The following LRP1B variants were observed in gnomAD, a reference collection of about 807,000 sequenced individuals.
LRP1B encodes the protein LDL receptor related protein 1B.
In LRP1B, 217 loss-of-function variants were observed where a neutral mutation model predicts 556.6. That is an observed-to-expected ratio of 0.39 (90% CI 0.35 to 0.44). The LOEUF (loss-of-function observed/expected upper bound fraction) is 0.44, where lower values mean the gene tolerates loss of function less well. Ranked by LOEUF, LRP1B falls within the 20% of genes least tolerant of loss-of-function variation. The pLI is 1.00. For synonymous variants in LRP1B, 2,047 were observed against 1,865.8 expected (o/e 1.10, Z -2.50); for missense variants, 5,053 against 5,620.8 (o/e 0.90, Z 3.23).
intron 1 of LRP1B, among the ~76,000 whole-genome samples, chr2:141,905,100 T>G (rs1194323256): frequency 6.6e-6 from 1 of 151,938 alleles, no homozygotes; most frequent in Non-Finnish European, 1.5e-5. Flanking sequence ...TGCATTGTTT[T>G]TCTTTAAGAT....
chr2:140,671,718 C>T (rs1284659108), intron 41 of LRP1B, among the ~76,000 whole-genome samples: 1 of 152,090 alleles, frequency 6.6e-6, no homozygotes, highest in African/African-American at 2.4e-5. Flanking sequence ...TGGGCCCATT[C>T]AAATCATCTA....
intron 32 of LRP1B, among the ~76,000 whole-genome samples, chr2:140,778,465 A>C (rs1346622828): frequency 6.6e-6 from 1 of 152,142 alleles, no homozygotes; most frequent in Admixed American, 6.6e-5. Flanking sequence ...TTTTCTAATG[A>C]GATTTCTGGA....
intron 1 of LRP1B, among the ~76,000 whole-genome samples, chr2:142,047,393 G>C (rs1282021862): frequency 6.6e-6 from 1 of 151,812 alleles, no homozygotes; most frequent in Non-Finnish European, 1.5e-5. Flanking sequence ...AATATGCTAG[G>C]TTTTTCAACA....
At chr2:141,809,735 A>G (rs1035310367) in intron 2 of LRP1B, among the ~76,000 whole-genome samples, 3 of 117,868 alleles carry the variant, frequency 2.5e-5, no homozygotes, top group Non-Finnish European at 5.2e-5. Context: ...GAATGGATAA[A>G]GTTTCTATCT....
At chr2:141,106,947 T>C (rs1255783576) in intron 7 of LRP1B, among the ~76,000 whole-genome samples, 1 of 152,152 alleles carries the variant, frequency 6.6e-6, no homozygotes, top group East Asian at 1.9e-4. Flanking sequence ...ATGAGAGTTG[T>C]TTTGTGAATT....
At position 140,516,947 on chromosome 2, in the gene LRP1B, A is replaced by G. The variant is rs536108841; in HGVS notation, c.8091T>C (p.Asn2697=). 2 of 1,610,290 alleles carry G rather than the reference A, an allele frequency of 1.2e-6. No individual in the cohort carries two copies. Among genetic ancestry groups the G allele is most frequent in the African/African-American group, 2.7e-5 (2 of 74,966 alleles). ...CTTTCTGACCATCGCATATCCAGGTATTCAAAATGCATCTTCCACTAGGAC... is the reference window on the plus strand; with the variant it reads ...CTTTCTGACCATCGCATATCCAGGTGTTCAAAATGCATCTTCCACTAGGAC... ...FSCPSGRCIL[N]TWICDGQKDC... is the part of the protein sequence containing the mutation. Residue 2697 remains asparagine (N), a synonymous_variant, in exon 50 of 91, where the codon AAT becomes AAC. Transcript: ENST00000389484.
chr2:141,932,191 A>G lies in LRP1B; in HGVS notation c.83-121790T>C, dbSNP rs559865200. ...AATTCTTACACTAAGATGCAGATAT[A>G]TCAGTAGTACTTCATATTTCTTGAG... On this transcript the variant is annotated intron_variant, in intron 1 of 90. Coordinates refer to ENST00000389484, the MANE Select transcript of LRP1B (RefSeq NM_018557.3). Among the ~76,000 whole-genome samples, 4 of 152,200 alleles carry G rather than the reference A, an allele frequency of 2.6e-5. No individual in the cohort carries two copies. In the South Asian group the frequency reaches 8.3e-4, roughly 32 times the overall value.
At chr2:140,389,745 T>TTATA (rs71408454) in intron 66 of LRP1B, among the ~76,000 whole-genome samples, 12,062 of 147,312 alleles carry the variant, frequency 0.082, 568 homozygotes, top group Middle Eastern at 0.15. Flanking sequence ...ATATATAGTT[T>TTATA]TATATATATA....
At chr2:141,287,408 C>T (rs1210406024) in intron 3 of LRP1B, among the ~76,000 whole-genome samples, 3 of 151,468 alleles carry the variant, frequency 2.0e-5, no homozygotes, top group Admixed American at 6.6e-5. Context: ...CTGCAAGCTC[C>T]GCCTCCTGGG....
chr2:142,107,348 A>G (rs1240122930), intron 1 of LRP1B, among the ~76,000 whole-genome samples: 1 of 152,110 alleles, frequency 6.6e-6, no homozygotes, highest in African/African-American at 2.4e-5. Flanking sequence ...TATTGTGAGA[A>G]TGAGTTAGTT....
At chr2:140,974,935 G>A (rs1696546569) in intron 18 of LRP1B, among the ~76,000 whole-genome samples, 1 of 152,160 alleles carries the variant, frequency 6.6e-6, no homozygotes, top group Non-Finnish European at 1.5e-5. Flanking sequence ...CTGATGAGAT[G>A]TTTTTTCTGC....
intron 5 of LRP1B, among the ~76,000 whole-genome samples, chr2:141,240,840 GA>G (rs759562158): frequency 6.6e-6 from 1 of 152,054 alleles, no homozygotes. Context: ...ATGTTATGAA[GA>G]AAATGGAAGA....
At chr2:141,279,240 T>C (rs921765617) in intron 3 of LRP1B, among the ~76,000 whole-genome samples, 1 of 151,928 alleles carries the variant, frequency 6.6e-6, no homozygotes, top group Non-Finnish European at 1.5e-5. Context: ...TAAATGTTTA[T>C]AGTAATTCTT....
At chr2:141,675,868 T>C (rs354857) in intron 2 of LRP1B, among the ~76,000 whole-genome samples, 88,748 of 151,552 alleles carry the variant, frequency 0.59, 26,436 homozygotes, top group East Asian at 0.76. Flanking sequence ...TAATTTTATG[T>C]CTCTAATCTT....
At chr2:141,504,906 T>G (rs1288453937) in intron 2 of LRP1B, among the ~76,000 whole-genome samples, 1 of 152,144 alleles carries the variant, frequency 6.6e-6, no homozygotes, top group Non-Finnish European at 1.5e-5. Flanking sequence ...TAGCCACATT[T>G]CTAGTGATCA....
intron 3 of LRP1B, among the ~76,000 whole-genome samples, chr2:141,268,753 T>A (rs1261336518): frequency 6.6e-6 from 1 of 152,086 alleles, no homozygotes; most frequent in Non-Finnish European, 1.5e-5. Context: ...AGAATTACTC[T>A]CTGAAGAGAC....
At chr2:140,621,960 A>G (rs1469234697) in intron 41 of LRP1B, among the ~76,000 whole-genome samples, 1 of 152,240 alleles carries the variant, frequency 6.6e-6, no homozygotes, top group Non-Finnish European at 1.5e-5. Flanking sequence ...CCCGGAAGAA[A>G]TCATGTAGGA....
chr2:141,660,671 G>T (rs1177355190), intron 2 of LRP1B, among the ~76,000 whole-genome samples: 1 of 152,154 alleles, frequency 6.6e-6, no homozygotes, highest in Non-Finnish European at 1.5e-5. Flanking sequence ...ACAGAACTCT[G>T]ATCTCTCTGG....
At chr2:142,049,415 A>G (rs1308141183) in intron 1 of LRP1B, among the ~76,000 whole-genome samples, 3 of 152,138 alleles carry the variant, frequency 2.0e-5, no homozygotes, top group Non-Finnish European at 4.4e-5. Context: ...AAAGCTTGAT[A>G]TACATCACAT....
Sources: allele counts gnomAD v4.1 joint callset (sites outside exome capture counted in the v4.1 genomes callset), GRCh38; gene constraint gnomAD v4.1.1; transcripts MANE v1.5; gene names NCBI Gene and HGNC (gene_info 2026-07-23, HGNC 2026-07-21).